Variants in PPP2R2D observed in about 807,000 individuals in gnomAD.
PPP2R2D encodes serine/threonine-protein phosphatase 2A 55 kDa regulatory subunit B delta isoform.
PPP2R2D carries 9 observed loss-of-function variants against 31.1 expected under a neutral mutation model. The observed-to-expected ratio is 0.29, with a 90% confidence interval of 0.17 to 0.51. The LOEUF is 0.51. PPP2R2D is among the 20% of genes least tolerant of loss of function. PPP2R2D has a pLI of 0.98. For synonymous variants in PPP2R2D, 179 were observed against 172.6 expected (o/e 1.04, Z -0.29); for missense variants, 391 against 465.6 (o/e 0.84, Z 1.48).
At chr10:131,904,870 G>C (rs978728812) in intron 2 of PPP2R2D, among the ~76,000 whole-genome samples, 3 of 152,114 alleles carry the variant, frequency 2.0e-5, no homozygotes, top group Non-Finnish European at 4.4e-5. Context: ...AAAAGCCTTT[G>C]GTTTTTGTTT....
At chr10:131,968,136 A>G in the PPP2R2D span, 1 of 158,876 alleles carries the variant, frequency 6.3e-6, no homozygotes, top group Non-Finnish European at 1.4e-5. Context: ...CGATTTTATT[A>G]TCAATGTTAT....
chr10:131,946,469 A>G (rs2036543667), intron 7 of PPP2R2D, among the ~76,000 whole-genome samples: 1 of 152,130 alleles, frequency 6.6e-6, no homozygotes, highest in Admixed American at 6.5e-5. Context: ...GAATGTGCCC[A>G]TGGACCGTGT....
In PPP2R2D at chr10:131,945,345, A is replaced by G; in HGVS notation, c.706A>G (p.Thr236Ala). 1 of 1,614,190 alleles carries G rather than the reference A, an allele frequency of 6.2e-7. No homozygotes were observed. The highest frequency in any genetic ancestry group is 8.5e-7 in the Non-Finnish European group (1 of 1,180,036). Residue 236 changes from threonine (T) to alanine (A), a missense_variant, in exon 7 of 9, where the codon ACT (threonine) becomes GCT (alanine). Around this residue, in one of 3 missense-constraint regions of PPP2R2D, gnomAD observed 123 missense variants for 187.7 expected, o/e 0.66. Coordinates refer to ENST00000455566, the MANE Select transcript of PPP2R2D (RefSeq NM_018461.5). The surrounding 1 kb of genome is among the most constrained non-coding windows in gnomAD (Gnocchi z 4.8). Reference protein sequence around the residue: ...ANMEELTEVITAAEFHPHQCN... With the variant: ...ANMEELTEVIAAAEFHPHQCN... ...CATGGAGGAGCTGACCGAAGTCATC[A>G]CTGCAGCCGAGTTCCACCCGCACCA...
intron 8 of PPP2R2D, among the ~76,000 whole-genome samples, chr10:131,953,436 TAGC>T (rs1165343501): frequency 9.4e-6 from 1 of 106,938 alleles, no homozygotes; most frequent in Admixed American, 1.1e-4. Flanking sequence ...GTCCCTGTCT[TAGC>T]AGTGACTTGC....
At chr10:131,910,385 G>A (rs1485799964) in intron 2 of PPP2R2D, among the ~76,000 whole-genome samples, 1 of 151,748 alleles carries the variant, frequency 6.6e-6, no homozygotes, top group Non-Finnish European at 1.5e-5. Context: ...AGAAGAAAAA[G>A]TGAGAAACTG....
intron 5 of PPP2R2D, among the ~76,000 whole-genome samples, chr10:131,942,504 C>T (rs2119867899): frequency 6.6e-6 from 1 of 152,276 alleles, no homozygotes; most frequent in Non-Finnish European, 1.5e-5. Context: ...GGGTAAGAGT[C>T]AGACATGTTG....
At chr10:131,906,758 C>CAA (rs879099384) in intron 2 of PPP2R2D, among the ~76,000 whole-genome samples, 156 of 101,740 alleles carry the variant, frequency 1.5e-3, no homozygotes, top group African/African-American at 4.5e-3. Flanking sequence ...TTGTCTCTAC[C>CAA]AAAAAAAAAA....
At chr10:131,964,664 ATGTTTT>A (rs1458295085), downstream of PPP2R2D, among the ~76,000 whole-genome samples, 123 of 126,748 alleles carry the variant, frequency 9.7e-4, no homozygotes, top group African/African-American at 3.6e-3. Context: ...AGAGTTTACT[ATGTTTT>A]TTTTTTTTTT....
At chr10:131,902,357 G>A (rs2035513886) in intron 2 of PPP2R2D, among the ~76,000 whole-genome samples, 2 of 151,824 alleles carry the variant, frequency 1.3e-5, no homozygotes, top group African/African-American at 4.8e-5. Flanking sequence ...CCTCCATCTC[G>A]GCCCCCCCAA....
intron 2 of PPP2R2D, among the ~76,000 whole-genome samples, chr10:131,921,028 T>G (rs1168216773): frequency 6.6e-6 from 1 of 152,210 alleles, no homozygotes; most frequent in Non-Finnish European, 1.5e-5. Context: ...AGAGAAACAT[T>G]AGCAGCTTTG....
At chr10:131,917,947 A>G (rs1418192789) in intron 2 of PPP2R2D, among the ~76,000 whole-genome samples, 1 of 133,774 alleles carries the variant, frequency 7.5e-6, no homozygotes, top group Non-Finnish European at 1.6e-5. Flanking sequence ...GGAATGACAC[A>G]GTGTTTGTAG....
the PPP2R2D span, among the ~76,000 whole-genome samples, chr10:131,965,512 C>T: frequency 2.6e-5 from 4 of 152,136 alleles, no homozygotes; most frequent in Non-Finnish European, 4.4e-5. Context: ...TGCAGTGGCA[C>T]GATTTTGGCT....
intron 2 of PPP2R2D, among the ~76,000 whole-genome samples, chr10:131,914,024 G>A (rs942703438): frequency 6.6e-6 from 1 of 152,200 alleles, no homozygotes; most frequent in Admixed American, 6.5e-5. Context: ...GGGCTTTTAT[G>A]AATTCTTGGG....
chr10:131,956,154 G>C lies in PPP2R2D; in HGVS notation c.*191G>C, dbSNP rs782456531. On this transcript the variant is annotated 3_prime_UTR_variant, in exon 9 of 9. Coordinates refer to ENST00000455566, the MANE Select transcript of PPP2R2D (RefSeq NM_018461.5). ...CGCCTCGGCGAGGCGCGAGACAGGC[G>C]CTGCTGCTCACGTGGAGACGCTCTC... 4 of 1,241,838 alleles carry C rather than the reference G, an allele frequency of 3.2e-6. No homozygotes were observed. The highest frequency in any genetic ancestry group is 4.1e-5 in the Admixed American group (1 of 24,368). The allele number at this position is 1,241,838 out of a possible 1,614,324, so 76.9% of individuals were successfully genotyped here. A position where few individuals can be genotyped will look rare whatever the true frequency, so the allele number is the denominator to read the frequency against.
intron 4 of PPP2R2D, 40 bp downstream of exon 4, chr10:131,940,236 T>G (rs1396494740): frequency 8.1e-6 from 5 of 614,426 alleles, no homozygotes; most frequent in Non-Finnish European, 1.2e-5. Flanking sequence ...ATTTAGTTTT[T>G]TATTTTTAAT....
chr10:131,968,603 T>A, the PPP2R2D span: 7 of 1,548,452 alleles, frequency 4.5e-6, no homozygotes, highest in Non-Finnish European at 6.2e-6. Flanking sequence ...TTAATGTATC[T>A]TGTGATTCAC....
chr10:131,914,096 G>A (rs1181194724), intron 2 of PPP2R2D, among the ~76,000 whole-genome samples: 1 of 152,126 alleles, frequency 6.6e-6, no homozygotes, highest in Non-Finnish European at 1.5e-5. Flanking sequence ...ACATTTGAGT[G>A]AAAAAAACAC....
Position 131,932,665 on chromosome 10 carries a change from AAAAC to A in PPP2R2D, c.101-1791_101-1788del, listed in dbSNP as rs1222585603. ...CTGTCTCAAAAAAAAAAAAAAAAAA[AAAAC>A]ACACAAAAAAAACCTAACTTGGTGC... On this transcript the variant is annotated intron_variant, in intron 2 of 8. Coordinates refer to ENST00000455566, the MANE Select transcript of PPP2R2D (RefSeq NM_018461.5). 4.3e-3 allele frequency among the ~76,000 whole-genome samples: 624 copies of A among 144,396 alleles called. 8 individuals are homozygous for A. Among genetic ancestry groups the A allele is most frequent in the African/African-American group, 0.017 (586 of 35,318 alleles). 94.7% of individuals were successfully genotyped at this position (144,396 alleles called of 152,430 possible).
chr10:131,915,189 AT>A (rs2119763579), intron 2 of PPP2R2D, among the ~76,000 whole-genome samples: 1 of 152,140 alleles, frequency 6.6e-6, no homozygotes, highest in South Asian at 2.1e-4. Context: ...ACATAACTAG[AT>A]TTAAAAGAAA....
Sources: allele counts gnomAD v4.1 joint callset (sites outside exome capture counted in the v4.1 genomes callset), GRCh38; gene constraint gnomAD v4.1.1; regional missense constraint gnomAD v4.1.1; non-coding constraint Gnocchi (gnomAD v3.1); transcripts MANE v1.5; gene names NCBI Gene and HGNC (gene_info 2026-07-23, HGNC 2026-07-21).